Variants in INPP4B observed in about 807,000 individuals in gnomAD.
The protein encoded by INPP4B is inositol polyphosphate-4-phosphatase type II B, also known as inositol polyphosphate 4-phosphatase type II.
In INPP4B, 55 loss-of-function variants were observed where a neutral mutation model predicts 122.5. The ratio of observed to expected loss-of-function variants is 0.45; its 90% CI spans 0.36 to 0.56. The LOEUF (loss-of-function observed/expected upper bound fraction) is 0.56. Among genes scored for constraint, INPP4B ranks in the 20% least tolerant of loss-of-function variants. INPP4B has a pLI of 0.00. For missense variants in INPP4B, 1,000 were observed against 1,097.7 expected (o/e 0.91, Z 1.26); for synonymous variants, 403 against 388.7 (o/e 1.04, Z -0.43).
chr4:142,715,125 T>C (rs1763598814), intron 2 of INPP4B, among the ~76,000 whole-genome samples: 1 of 152,142 alleles, frequency 6.6e-6, no homozygotes, highest in South Asian at 2.1e-4. Context: ...ACCAAATCCT[T>C]TTGAGCTCTC....
chr4:142,617,086 TA>T (rs915884116), intron 2 of INPP4B, among the ~76,000 whole-genome samples: 9 of 151,984 alleles, frequency 5.9e-5, no homozygotes, highest in African/African-American at 1.7e-4. Flanking sequence ...CTCTAAGATC[TA>T]AAAAAATAGA....
intron 7 of INPP4B, among the ~76,000 whole-genome samples, chr4:142,324,242 T>A (rs1036210197): frequency 5.9e-5 from 9 of 152,220 alleles, no homozygotes; most frequent in East Asian, 3.9e-4. Context: ...ACTCCAGACC[T>A]GTGAGAAAAT....
chr4:142,784,408 T>TAAATAAATA (rs1554009430), intron 1 of INPP4B, among the ~76,000 whole-genome samples: 1 of 133,374 alleles, frequency 7.5e-6, no homozygotes, highest in African/African-American at 2.6e-5. Flanking sequence ...AATAAATAAA[T>TAAATAAATA]AAAAATTAAA....
chr4:142,334,709 T>C (rs1300275516), intron 7 of INPP4B, among the ~76,000 whole-genome samples: 1 of 152,222 alleles, frequency 6.6e-6, no homozygotes, highest in African/African-American at 2.4e-5. Context: ...TCAGTGAAGC[T>C]AGGCAATTTT....
chr4:142,203,945 A>T (rs984891495), intron 14 of INPP4B, among the ~76,000 whole-genome samples: 6 of 152,148 alleles, frequency 3.9e-5, no homozygotes, highest in Non-Finnish European at 7.4e-5. Context: ...TCAGCTAAAC[A>T]TTCAAATCAG....
chr4:142,776,941 G>T (rs1333360080), intron 1 of INPP4B, among the ~76,000 whole-genome samples: 1 of 152,118 alleles, frequency 6.6e-6, no homozygotes, highest in Non-Finnish European at 1.5e-5. Flanking sequence ...TCAGTTCAAG[G>T]TTGCTTTTAA....
intron 2 of INPP4B, among the ~76,000 whole-genome samples, chr4:142,488,496 G>A (rs1821460910): frequency 6.6e-6 from 1 of 151,968 alleles, no homozygotes; most frequent in Admixed American, 6.6e-5. Flanking sequence ...TACCAGTGAA[G>A]CCCTGTTGAC....
At chr4:142,637,239 T>C (rs1749356118) in intron 2 of INPP4B, among the ~76,000 whole-genome samples, 1 of 152,154 alleles carries the variant, frequency 6.6e-6, no homozygotes. Flanking sequence ...TTCACTCTTG[T>C]TGTATATTCT....
chr4:142,125,785 A>G (rs1464681144), intron 18 of INPP4B, among the ~76,000 whole-genome samples: 1 of 152,174 alleles, frequency 6.6e-6, no homozygotes, highest in Non-Finnish European at 1.5e-5. Flanking sequence ...TGCAAGAAAG[A>G]TAACTCACTG....
intron 23 of INPP4B, 63 bp downstream of exon 23, chr4:142,108,030 C>A: frequency 1.2e-6 from 1 of 848,966 alleles, no homozygotes; most frequent in South Asian, 1.5e-5. Flanking sequence ...CTATGTCTGA[C>A]CTCTTCTAAA....
At chr4:142,382,389 G>A (rs1056701371) in intron 7 of INPP4B, among the ~76,000 whole-genome samples, 2 of 151,418 alleles carry the variant, frequency 1.3e-5, no homozygotes, top group East Asian at 1.9e-4. Context: ...GGTGCCTGTA[G>A]TCCCAGCTAC....
At chr4:142,615,422 GC>G (rs1202584411) in intron 2 of INPP4B, among the ~76,000 whole-genome samples, 1 of 152,144 alleles carries the variant, frequency 6.6e-6, no homozygotes, top group African/African-American at 2.4e-5. Context: ...AAGGAGTAAA[GC>G]TTTGTCTACA....
At chr4:142,455,726 C>T (rs1560676870) in intron 3 of INPP4B, among the ~76,000 whole-genome samples, 1 of 152,008 alleles carries the variant, frequency 6.6e-6, no homozygotes, top group Non-Finnish European at 1.5e-5. Context: ...TGAGGAAACA[C>T]CAAACTGTTT....
chr4:142,351,346 G>A (rs1781870052), intron 7 of INPP4B, among the ~76,000 whole-genome samples: 1 of 151,956 alleles, frequency 6.6e-6, no homozygotes, highest in Non-Finnish European at 1.5e-5. Context: ...ATTATTTGTA[G>A]TTCTCTTTTA....
intron 1 of INPP4B, among the ~76,000 whole-genome samples, chr4:142,759,809 T>A (rs1771034349): frequency 8.3e-6 from 1 of 120,088 alleles, no homozygotes; most frequent in Admixed American, 9.9e-5. Context: ...CCCCAGAGCT[T>A]ATATAGAGCT....
In INPP4B at chr4:142,538,895, A is replaced by T. The variant is rs535613899; in HGVS notation, c.-190-76169T>A. Among the ~76,000 whole-genome samples the T allele has an allele frequency of 9.7e-4, 147 of 152,034 alleles. 1 individual carries two copies. The highest frequency in any genetic ancestry group is 3.5e-3 in the African/African-American group (144 of 41,526). On this transcript the variant is annotated intron_variant, in intron 2 of 25. Transcript: ENST00000262992. ...GCGGTAAAAAAGAGAGAATCCATTT[A>T]AAAAAAGAAAGAGAGAGATAAAATT...
chr4:142,118,572 G>A (rs1794951174), intron 21 of INPP4B, among the ~76,000 whole-genome samples: 1 of 152,104 alleles, frequency 6.6e-6, no homozygotes, highest in Non-Finnish European at 1.5e-5. Flanking sequence ...AAATGGTGCT[G>A]GGAAAACTGG....
chr4:142,310,456 C>T (rs185075883), intron 8 of INPP4B, among the ~76,000 whole-genome samples: 16 of 152,180 alleles, frequency 1.1e-4, no homozygotes, highest in Non-Finnish European at 7.4e-5. Flanking sequence ...ATTACATATG[C>T]GGCATGCATT....
chr4:142,786,331 C>T (rs1361270494), intron 1 of INPP4B, among the ~76,000 whole-genome samples: 1 of 152,068 alleles, frequency 6.6e-6, no homozygotes, highest in Non-Finnish European at 1.5e-5. Context: ...TTAAAGAGCT[C>T]CGTTTGGCCA....
Sources: allele counts gnomAD v4.1 joint callset (sites outside exome capture counted in the v4.1 genomes callset), GRCh38; gene constraint gnomAD v4.1.1; transcripts MANE v1.5; gene names NCBI Gene and HGNC (gene_info 2026-07-23, HGNC 2026-07-21).